Variants in DPM1 observed in about 807,000 individuals in gnomAD.
DPM1 encodes dolichol-phosphate mannosyltransferase subunit 1.
In DPM1, 27 loss-of-function variants were observed where a neutral mutation model predicts 39.0. That is an observed-to-expected ratio of 0.69 (90% CI 0.51 to 0.95). The LOEUF (loss-of-function observed/expected upper bound fraction) is 0.95. Ranked by LOEUF, DPM1 falls within the 40% of genes least tolerant of loss-of-function variation. DPM1 has a pLI of 0.00. For missense variants in DPM1, 307 were observed against 315.6 expected (o/e 0.97, Z 0.21); for synonymous variants, 124 against 109.0 (o/e 1.14, Z -0.86).
intron 2 of DPM1, among the ~76,000 whole-genome samples, chr20:50,949,636 G>A (rs1367830142): frequency 6.6e-6 from 1 of 152,174 alleles, no homozygotes; most frequent in Non-Finnish European, 1.5e-5. Context: ...TCTGAGGTAT[G>A]GGGTTCAGGG....
intron 1 of DPM1, 74 bp downstream of exon 1, chr20:50,958,289 C>T (rs1016709948): frequency 6.3e-7 from 1 of 1,583,596 alleles, no homozygotes; most frequent in Non-Finnish European, 8.6e-7. Context: ...CCGCTTCGCG[C>T]AGCCAGCTGC....
chr20:50,949,754 A>C lies in DPM1; in HGVS notation c.262-1092T>G, dbSNP rs1601050960. 4.8e-5 allele frequency among the ~76,000 whole-genome samples: 7 copies of C among 144,934 alleles called. 1 individual carries two copies. Among genetic ancestry groups the C allele is most frequent in the South Asian group, 2.2e-4 (1 of 4,630 alleles). ...TCTCTCAACAAAGCATTTTCAATTA[A>C]AGCAGATGATTTTTTTTTTTTTTCA... On this transcript the variant is annotated intron_variant, in intron 2 of 8. Coordinates refer to ENST00000371588, the MANE Select transcript of DPM1 (RefSeq NM_003859.3).
At chr20:50,950,996 A>C (rs994478757) in intron 2 of DPM1, among the ~76,000 whole-genome samples, 2 of 152,232 alleles carry the variant, frequency 1.3e-5, no homozygotes, top group African/African-American at 4.8e-5. Flanking sequence ...CAAACCTTAT[A>C]TATACTTTTT....
chr20:50,939,581 A>AG (rs1032536934), intron 7 of DPM1, among the ~76,000 whole-genome samples: 3 of 150,804 alleles, frequency 2.0e-5, no homozygotes, highest in Non-Finnish European at 2.9e-5. Context: ...TCACCTGCCT[A>AG]GGCCTCCCAA....
intron 6 of DPM1, 46 bp downstream of exon 6, chr20:50,941,985 T>C (rs778561512): frequency 1.3e-6 from 2 of 1,486,676 alleles, no homozygotes; most frequent in Non-Finnish European, 1.9e-6. Flanking sequence ...TATGAATACA[T>C]TTCCAGTAGT....
chr20:50,939,102 G>A (rs987756302), intron 7 of DPM1, among the ~76,000 whole-genome samples: 2 of 152,134 alleles, frequency 1.3e-5, no homozygotes, highest in African/African-American at 4.8e-5. Flanking sequence ...AGAACTCCCA[G>A]GCCATCCTTC....
In DPM1 at chr20:50,936,165, T is replaced by A; in HGVS notation, c.661A>T (p.Asn221Tyr). The A allele has an allele frequency of 6.2e-7, 1 of 1,612,826 alleles. No individual in the cohort carries two copies. Among genetic ancestry groups the A allele is most frequent in the South Asian group, 1.1e-5 (1 of 91,042 alleles). The stretch of plus-strand genomic sequence containing the variant: ...TTGCATACCTCGCCAATAGTATAAT[T>A]CAACTGTCTTGCCCGAACAATCATC... ...MEMIVRARQL[N>Y]YTIGEVPISF... Residue 221 changes from asparagine (N) to tyrosine (Y), a missense_variant, in exon 8 of 9, where the codon AAT becomes TAT. Asn to Tyr is a moderately radical substitution (Grantham distance 143). Around this residue, in one of 3 missense-constraint regions of DPM1, gnomAD observed 70 missense variants for 69.4 expected, o/e 1.01. Coordinates refer to ENST00000371588, the MANE Select transcript of DPM1 (RefSeq NM_003859.3).
chr20:50,939,792 T>C (rs1403727527), intron 7 of DPM1, among the ~76,000 whole-genome samples: 1 of 152,056 alleles, frequency 6.6e-6, no homozygotes, highest in Middle Eastern at 3.2e-3. Flanking sequence ...TTTTGTATTT[T>C]TAGTAGACAG....
intron 2 of DPM1, among the ~76,000 whole-genome samples, chr20:50,950,703 C>G (rs1986528527): frequency 6.6e-6 from 1 of 152,048 alleles, no homozygotes; most frequent in Non-Finnish European, 1.5e-5. Flanking sequence ...GACCTCATCT[C>G]TACTAAAAAT....
intron 2 of DPM1, among the ~76,000 whole-genome samples, chr20:50,953,365 A>T (rs1401757671): frequency 6.6e-6 from 1 of 152,238 alleles, no homozygotes; most frequent in Non-Finnish European, 1.5e-5. Context: ...CATTTCAGCC[A>T]GTCTGAAAGG....
intron 7 of DPM1, among the ~76,000 whole-genome samples, chr20:50,939,674 C>T (rs558445386): frequency 5.3e-5 from 8 of 151,946 alleles, no homozygotes; most frequent in African/African-American, 9.7e-5. Flanking sequence ...AGTGCAGTGG[C>T]GCAATCTCGG....
chr20:50,952,341 A>G (rs1235155473), intron 2 of DPM1, among the ~76,000 whole-genome samples: 1 of 152,240 alleles, frequency 6.6e-6, no homozygotes, highest in Non-Finnish European at 1.5e-5. Flanking sequence ...AATTGAGACT[A>G]TAGTACATAT....
chr20:50,946,447 A>C (rs1371794495), intron 3 of DPM1, among the ~76,000 whole-genome samples: 2 of 152,244 alleles, frequency 1.3e-5, no homozygotes, highest in Non-Finnish European at 2.9e-5. Flanking sequence ...CTCCATCCAC[A>C]GGTCTAGAGA....
At position 50,945,800 on chromosome 20, in the gene DPM1, C is replaced by T. The variant is rs142802165; in HGVS notation, c.373-38G>A. ...AAGAATAAACAGTAAGTCAGTAAAA[C>T]AGGCTAAGACTACCATAAATAGCTA... On this transcript the variant is annotated intron_variant, in intron 4 of 8. Transcript: ENST00000371588. 167 of 1,610,506 alleles carry T rather than the reference C, an allele frequency of 1.0e-4. 1 individual carries two copies. In the African/African-American group the frequency reaches 1.5e-3, roughly 14 times the overall value.
intron 3 of DPM1, among the ~76,000 whole-genome samples, chr20:50,947,383 G>A (rs1568768928): frequency 6.6e-6 from 1 of 152,190 alleles, no homozygotes; most frequent in East Asian, 1.9e-4. Context: ...AGATAAAGGA[G>A]TGAATATTTA....
intron 6 of DPM1, chr20:50,941,141 G>A (rs1985694839): frequency 1.7e-6 from 1 of 601,434 alleles, no homozygotes; most frequent in Non-Finnish European, 2.9e-6. Context: ...GTAATCCCAG[G>A]AGGCCAAGAT....
At chr20:50,942,663 T>C (rs1217521828) in intron 5 of DPM1, among the ~76,000 whole-genome samples, 2 of 151,976 alleles carry the variant, frequency 1.3e-5, no homozygotes, top group Non-Finnish European at 2.9e-5. Context: ...TGGAAGACCT[T>C]GTCTCTCAAA....
At chr20:50,952,546 C>T (rs995316316) in intron 2 of DPM1, among the ~76,000 whole-genome samples, 1 of 152,128 alleles carries the variant, frequency 6.6e-6, no homozygotes, top group Middle Eastern at 3.2e-3. Flanking sequence ...AATAAATCTT[C>T]AGCTAATAAG....
chr20:50,951,145 C>T (rs1467950404), intron 2 of DPM1, among the ~76,000 whole-genome samples: 1 of 152,176 alleles, frequency 6.6e-6, no homozygotes, highest in Non-Finnish European at 1.5e-5. Context: ...CTCAAAAAAT[C>T]TTCTTGTACT....
Sources: allele counts gnomAD v4.1 joint callset (sites outside exome capture counted in the v4.1 genomes callset), GRCh38; gene constraint gnomAD v4.1.1; regional missense constraint gnomAD v4.1.1; transcripts MANE v1.5; gene names NCBI Gene and HGNC (gene_info 2026-07-23, HGNC 2026-07-21).